The following TIAM1 variants were observed in gnomAD, a reference collection of about 807,000 sequenced individuals.
TIAM1 encodes TIAM Rac1 associated GEF 1, also known as rho guanine nucleotide exchange factor TIAM1.
A neutral mutation model predicts 163.5 loss-of-function variants in TIAM1; 65 were observed. That is an observed-to-expected ratio of 0.40 (90% confidence interval 0.33 to 0.49). TIAM1 has a LOEUF of 0.49. Among genes scored for constraint, TIAM1 ranks in the 20% least tolerant of loss-of-function variants. The pLI, the probability that TIAM1 is intolerant of heterozygous loss-of-function variation, is 0.77. For missense variants in TIAM1, 1,789 were observed against 2,044.7 expected (o/e 0.87, Z 2.41); for synonymous variants, 833 against 810.1 (o/e 1.03, Z -0.48).
intron 2 of TIAM1, among the ~76,000 whole-genome samples, chr21:31,382,227 G>C (rs1231734166): frequency 1.3e-5 from 2 of 152,210 alleles, no homozygotes; most frequent in African/African-American, 2.4e-5. Context: ...TCTGGGGCTA[G>C]ATGTTTGAAC....
chr21:31,250,460 G>A (rs1025169854), intron 5 of TIAM1, among the ~76,000 whole-genome samples: 3 of 152,220 alleles, frequency 2.0e-5, no homozygotes, highest in African/African-American at 4.8e-5. Context: ...AGTCCTACTT[G>A]TGCAAGGGTT....
At chr21:31,498,103 T>C (rs1219448594) in intron 1 of TIAM1, among the ~76,000 whole-genome samples, 1 of 152,182 alleles carries the variant, frequency 6.6e-6, no homozygotes, top group Non-Finnish European at 1.5e-5. Context: ...CAAACCCGAA[T>C]GTAAACAGCA....
intron 2 of TIAM1, among the ~76,000 whole-genome samples, chr21:31,458,739 C>T (rs771840474): frequency 7.0e-6 from 1 of 143,824 alleles, no homozygotes; most frequent in Non-Finnish European, 1.5e-5. Flanking sequence ...AGAACAGAGC[C>T]GGAACAGGAA....
intron 2 of TIAM1, among the ~76,000 whole-genome samples, chr21:31,334,323 T>G (rs1455203128): frequency 1.3e-5 from 2 of 151,626 alleles, no homozygotes; most frequent in Admixed American, 1.3e-4. Flanking sequence ...CTCACTCTGT[T>G]GCCCAGGCTT....
chr21:31,369,317 C>G lies in TIAM1; in HGVS notation c.-368-29895G>C, dbSNP rs1019031731. 5.3e-5 allele frequency among the ~76,000 whole-genome samples: 8 copies of G among 151,762 alleles called. No homozygotes were observed. In the East Asian group the frequency reaches 1.5e-3, roughly 29 times the overall value. On this transcript the variant is annotated intron_variant, in intron 2 of 28. Transcript: ENST00000286827. ...TGCATCAGTTGCAAGGTGCTTTGGT[C>G]TCAATGTCTGTGTGCCCTTCAGATT...
At chr21:31,228,240 A>AGGAG (rs1569068837) in intron 6 of TIAM1, among the ~76,000 whole-genome samples, 783 of 46,884 alleles carry the variant, frequency 0.017, 86 homozygotes, top group South Asian at 0.045. Context: ...AAAAAAAAAA[A>AGGAG]AAAAAAAAAA....
chr21:31,424,889 T>TA (rs75012735), intron 2 of TIAM1, among the ~76,000 whole-genome samples: 27,067 of 151,482 alleles, frequency 0.18, 4,580 homozygotes, highest in African/African-American at 0.45. Flanking sequence ...TGTCTCCACT[T>TA]AAAAAATACA....
intron 1 of TIAM1, among the ~76,000 whole-genome samples, chr21:31,518,959 A>C (rs2047474312): frequency 6.6e-6 from 1 of 152,140 alleles, no homozygotes; most frequent in African/African-American, 2.4e-5. Context: ...CTTTGGGAGG[A>C]CAAGGCAAGA....
chr21:31,239,277 C>T (rs1234302765), intron 6 of TIAM1, among the ~76,000 whole-genome samples: 1 of 152,060 alleles, frequency 6.6e-6, no homozygotes, highest in Non-Finnish European at 1.5e-5. Context: ...TACATGCCAT[C>T]GTGTCCAGCT....
intron 2 of TIAM1, among the ~76,000 whole-genome samples, chr21:31,358,942 C>T (rs1048171328): frequency 5.3e-5 from 8 of 152,182 alleles, no homozygotes; most frequent in Non-Finnish European, 1.2e-4. Context: ...GTCCTCATCT[C>T]CTGCTGCTTC....
chr21:31,490,051 A>C lies in TIAM1; in HGVS notation c.-421-26016T>G, dbSNP rs539087039. Among the ~76,000 whole-genome samples the C allele has an allele frequency of 2.6e-5, 4 of 152,310 alleles. No individual in the cohort carries two copies. The South Asian group carries it at 6.2e-4, about 24-fold the overall frequency. Reference sequence around the variant, plus strand: ...AGTGTGCCTTTCCAATTTTTTTCCCAAAAAAACTTGTACATGTGTTACTGT... The same window carrying C: ...AGTGTGCCTTTCCAATTTTTTTCCCCAAAAAACTTGTACATGTGTTACTGT... On this transcript the variant is annotated intron_variant, in intron 1 of 28. Transcript: ENST00000286827.
At chr21:31,292,670 CTTTTT>C (rs66519831) in intron 2 of TIAM1, among the ~76,000 whole-genome samples, 1 of 131,962 alleles carries the variant, frequency 7.6e-6, no homozygotes, top group Non-Finnish European at 1.6e-5. Flanking sequence ...GTGCCTGGCA[CTTTTT>C]TTTTTTTTTT....
chr21:31,370,752 T>C (rs368158000), intron 2 of TIAM1, among the ~76,000 whole-genome samples: 6 of 152,170 alleles, frequency 3.9e-5, no homozygotes, highest in African/African-American at 1.4e-4. Context: ...GTTTGGACAG[T>C]GGACTGTTTA....
At chr21:31,260,520 A>G (rs1238455854) in intron 4 of TIAM1, among the ~76,000 whole-genome samples, 1 of 151,942 alleles carries the variant, frequency 6.6e-6, no homozygotes, top group Non-Finnish European at 1.5e-5. Context: ...TAAGAGTATA[A>G]AAAGGTCTAA....
intron 2 of TIAM1, among the ~76,000 whole-genome samples, chr21:31,353,686 G>A (rs1400946669): frequency 6.6e-6 from 1 of 152,024 alleles, no homozygotes; most frequent in Non-Finnish European, 1.5e-5. Context: ...ACAAGTAAGA[G>A]GCAGGTCTAA....
At chr21:31,359,182 A>G (rs913861581) in intron 2 of TIAM1, among the ~76,000 whole-genome samples, 2 of 152,116 alleles carry the variant, frequency 1.3e-5, no homozygotes, top group African/African-American at 4.8e-5. Flanking sequence ...TTAAAATATC[A>G]TTTCCCACTT....
At chr21:31,179,649 G>A (rs543281740) in intron 15 of TIAM1, among the ~76,000 whole-genome samples, 1 of 151,926 alleles carries the variant, frequency 6.6e-6, no homozygotes, top group Non-Finnish European at 1.5e-5. Flanking sequence ...CTCCAAAGGT[G>A]AGCGGTCTGA....
At chr21:31,492,817 AC>A (rs2046515335) in intron 1 of TIAM1, among the ~76,000 whole-genome samples, 1 of 131,930 alleles carries the variant, frequency 7.6e-6, no homozygotes, top group East Asian at 2.0e-4. Flanking sequence ...ACACACACAC[AC>A]ACACACGTTA....
intron 2 of TIAM1, among the ~76,000 whole-genome samples, chr21:31,317,512 G>T (rs965556985): frequency 6.6e-6 from 1 of 152,064 alleles, no homozygotes; most frequent in African/African-American, 2.4e-5. Flanking sequence ...GGGCACGGCG[G>T]CTCACGCCTG....
Sources: gnomAD v4.1 joint callset for allele counts (sites outside exome capture counted in the v4.1 genomes callset) on GRCh38, gnomAD v4.1.1 for gene constraint, MANE v1.5 for transcripts, NCBI Gene and HGNC (gene_info 2026-07-23, HGNC 2026-07-21) for gene names.